The following SH3RF3 variants were observed in gnomAD, a reference collection of about 807,000 sequenced individuals.
SH3RF3 encodes the protein SH3 domain containing ring finger 3.
Under a neutral mutation model 66.3 loss-of-function variants are expected in SH3RF3, and 29 were observed. That is an observed-to-expected ratio of 0.44 (90% confidence interval 0.33 to 0.60). SH3RF3 has a LOEUF of 0.60. Among genes scored for constraint, SH3RF3 ranks in the 20% least tolerant of loss-of-function variants. The pLI is 0.04. For missense variants in SH3RF3, 1,194 were observed against 1,190.9 expected, an observed-to-expected ratio of 1.00 and a Z score of -0.04; for synonymous variants, 583 against 532.0, an observed-to-expected ratio of 1.10 and a Z score of -1.32.
intron 1 of SH3RF3, among the ~76,000 whole-genome samples, chr2:109,215,046 G>A (rs1248482070): frequency 1.3e-5 from 2 of 152,210 alleles, no homozygotes; most frequent in African/African-American, 4.8e-5. Flanking sequence ...CTTCTAACCA[G>A]TAAAGCTGTC....
At chr2:109,488,466 G>C (rs1178120738) in intron 8 of SH3RF3, among the ~76,000 whole-genome samples, 4 of 152,198 alleles carry the variant, frequency 2.6e-5, no homozygotes. Flanking sequence ...CTGCGGAGGG[G>C]CTGACGGGCC....
chr2:109,270,205 C>G (rs996378611), intron 1 of SH3RF3, among the ~76,000 whole-genome samples: 1 of 152,162 alleles, frequency 6.6e-6, no homozygotes, highest in African/African-American at 2.4e-5. Context: ...AGCATGTGGC[C>G]TGTCACAAGG....
intron 5 of SH3RF3, among the ~76,000 whole-genome samples, chr2:109,431,761 C>T (rs1294815738): frequency 6.6e-6 from 1 of 152,008 alleles, no homozygotes; most frequent in African/African-American, 2.4e-5. Flanking sequence ...GTCCCAGCTG[C>T]TTAGGAGGCT....
At chr2:109,160,780 C>A (rs1251244723) in intron 1 of SH3RF3, among the ~76,000 whole-genome samples, 1 of 152,144 alleles carries the variant, frequency 6.6e-6, no homozygotes, top group Admixed American at 6.5e-5. Flanking sequence ...ATGTGAACAT[C>A]CCCAGGGGCT....
intron 1 of SH3RF3, among the ~76,000 whole-genome samples, chr2:109,326,116 C>T (rs535512477): frequency 3.3e-5 from 5 of 152,330 alleles, no homozygotes; most frequent in East Asian, 3.9e-4. Context: ...AGGACACACA[C>T]GTATGTGGGT....
In SH3RF3 at chr2:109,230,877, CCTTTGGGGG is replaced by C. The variant is rs979074443; in HGVS notation, c.573+100777_573+100785del. Among the ~76,000 whole-genome samples, 14 of 152,198 alleles carry C rather than the reference CCTTTGGGGG, an allele frequency of 9.2e-5. 1 individual carries two copies. Among genetic ancestry groups the C allele is most frequent in the African/African-American group, 3.1e-4 (13 of 41,452 alleles). On this transcript the variant is annotated intron_variant, in intron 1 of 9. Coordinates refer to ENST00000309415, the MANE Select transcript of SH3RF3 (RefSeq NM_001099289.3). ...AGGAGTTCACTGGCCAATAGGACTCCCTTTGGGGGCTTTGGGGGCTTCTCCCATCTCGGC... is the reference window on the plus strand; with the variant it reads ...AGGAGTTCACTGGCCAATAGGACTCCCTTTGGGGGCTTCTCCCATCTCGGC...
chr2:109,307,492 A>G (rs1681625764), intron 1 of SH3RF3, among the ~76,000 whole-genome samples: 1 of 149,634 alleles, frequency 6.7e-6, no homozygotes, highest in Admixed American at 6.6e-5. Context: ...TTACATATGT[A>G]TACATGTGCC....
At chr2:109,282,511 G>A (rs1215094222) in intron 1 of SH3RF3, among the ~76,000 whole-genome samples, 2 of 152,164 alleles carry the variant, frequency 1.3e-5, no homozygotes, top group Admixed American at 6.5e-5. Flanking sequence ...CCTGCCCTGC[G>A]GTGGGAGGAC....
At chr2:109,300,553 G>C (rs189888932) in intron 1 of SH3RF3, among the ~76,000 whole-genome samples, 96 of 152,186 alleles carry the variant, frequency 6.3e-4, no homozygotes, top group Non-Finnish European at 1.2e-3. Flanking sequence ...GAGATGACAG[G>C]CATCCTTTTC....
intron 8 of SH3RF3, 28 bp downstream of exon 8, chr2:109,449,517 G>A: frequency 1.2e-6 from 2 of 1,607,582 alleles, no homozygotes; most frequent in East Asian, 4.5e-5. Flanking sequence ...GACGAGCCCT[G>A]GGCTCGAGGC....
At chr2:109,452,764 CAGGCTGGTCCCAGG>C (rs1430152753) in intron 8 of SH3RF3, among the ~76,000 whole-genome samples, 8 of 141,872 alleles carry the variant, frequency 5.6e-5, no homozygotes, top group Admixed American at 2.1e-4. Flanking sequence ...CTGGTGCTGG[CAGGCTGGTCCCAGG>C]AGGCTGGTCC....
intron 2 of SH3RF3, among the ~76,000 whole-genome samples, chr2:109,369,302 T>C (rs544187936): frequency 9.1e-4 from 139 of 152,072 alleles, no homozygotes; most frequent in African/African-American, 3.1e-3. Flanking sequence ...TGAGCTGAGA[T>C]TGGGCCATTG....
intron 8 of SH3RF3, among the ~76,000 whole-genome samples, chr2:109,485,247 A>G (rs934087345): frequency 2.6e-5 from 4 of 152,260 alleles, no homozygotes; most frequent in Non-Finnish European, 5.9e-5. Context: ...GTGGTGGGAC[A>G]GCCACCTGTC....
intron 1 of SH3RF3, among the ~76,000 whole-genome samples, chr2:109,325,099 C>CA (rs1682120136): frequency 6.6e-6 from 1 of 152,124 alleles, no homozygotes; most frequent in Admixed American, 6.5e-5. Context: ...ATGGCTCTGA[C>CA]AAGGCCCAAG....
intron 2 of SH3RF3, among the ~76,000 whole-genome samples, chr2:109,350,319 G>C (rs1274017613): frequency 6.6e-6 from 1 of 152,214 alleles, no homozygotes; most frequent in African/African-American, 2.4e-5. Flanking sequence ...AGCATCTCCT[G>C]TTACAGGATC....
At chr2:109,417,270 C>T (rs1573234728) in intron 4 of SH3RF3, among the ~76,000 whole-genome samples, 3 of 152,244 alleles carry the variant, frequency 2.0e-5, no homozygotes, top group Admixed American at 2.0e-4. Flanking sequence ...TCGTACTTGC[C>T]CTCCAGCCCC....
chr2:109,435,216 G>T (rs2104580095), intron 6 of SH3RF3, among the ~76,000 whole-genome samples: 1 of 152,284 alleles, frequency 6.6e-6, no homozygotes, highest in Admixed American at 6.5e-5. Context: ...GAAGGCCATG[G>T]GTCCCTCAGT....
At chr2:109,372,719 A>C (rs6754974) in intron 3 of SH3RF3, among the ~76,000 whole-genome samples, 59,343 of 151,816 alleles carry the variant, frequency 0.39, 11,854 homozygotes, top group African/African-American at 0.46. Flanking sequence ...CTCACACCAT[A>C]TCCTGCCTCT....
chr2:109,417,424 AAG>A (rs1355952597), intron 4 of SH3RF3, among the ~76,000 whole-genome samples: 17 of 152,078 alleles, frequency 1.1e-4, no homozygotes, highest in African/African-American at 3.6e-4. Flanking sequence ...GGGCAGACAG[AAG>A]ACCCTGGAAT....
Sources: gnomAD v4.1 joint callset for allele counts (sites outside exome capture counted in the v4.1 genomes callset) on GRCh38, gnomAD v4.1.1 for gene constraint, MANE v1.5 for transcripts, NCBI Gene and HGNC (gene_info 2026-07-23, HGNC 2026-07-21) for gene names.